FCHSD2: variants seen among roughly 807,000 people sequenced by gnomAD.
FCHSD2 encodes the protein FCH and double SH3 domains 2.
Under a neutral mutation model 108.1 loss-of-function variants are expected in FCHSD2, and 38 were observed. The observed-to-expected ratio is 0.35, with a 90% CI of 0.27 to 0.46. The LOEUF (loss-of-function observed/expected upper bound fraction) is 0.46. Among genes scored for constraint, FCHSD2 ranks in the 20% least tolerant of loss-of-function variants. The probability of loss-of-function intolerance (pLI) is 1.00; values close to 1 mark genes in which losing one functional copy is unlikely to be tolerated. For synonymous variants in FCHSD2, 279 were observed against 314.7 expected (o/e 0.89, Z 1.20); for missense variants, 751 against 897.8 (o/e 0.84, Z 2.09).
At chr11:73,049,570 A>T (rs1471786917) in intron 3 of FCHSD2, among the ~76,000 whole-genome samples, 1 of 150,178 alleles carries the variant, frequency 6.7e-6, no homozygotes, top group Non-Finnish European at 1.5e-5. Context: ...GCATTGGGAG[A>T]TATACCTAAT....
intron 8 of FCHSD2, chr11:72,940,565 TGAGAGTCA>T (rs1856395122): frequency 1.4e-5 from 16 of 1,173,828 alleles, no homozygotes; most frequent in Non-Finnish European, 1.7e-5. Context: ...CGCTTTCTTC[TGAGAGTCA>T]GCTGCTGGCA....
intron 8 of FCHSD2, among the ~76,000 whole-genome samples, chr11:72,974,183 G>A (rs180775596): frequency 2.4e-4 from 37 of 152,296 alleles, no homozygotes; most frequent in African/African-American, 8.2e-4. Context: ...CATGGTTCTC[G>A]GGACTGGGAA....
intron 3 of FCHSD2, among the ~76,000 whole-genome samples, chr11:73,074,962 C>A (rs1008396803): frequency 5.3e-5 from 8 of 152,002 alleles, no homozygotes; most frequent in African/African-American, 1.9e-4. Flanking sequence ...GAAAGAAAGA[C>A]CATAAATCAA....
chr11:72,909,273 G>C (rs1565317124), intron 9 of FCHSD2, among the ~76,000 whole-genome samples: 3 of 152,286 alleles, frequency 2.0e-5, no homozygotes, highest in African/African-American at 7.2e-5. Flanking sequence ...TTGACCTCGA[G>C]TGATCTGCCC....
intron 8 of FCHSD2, among the ~76,000 whole-genome samples, chr11:72,933,552 T>C (rs1311280016): frequency 3.9e-5 from 6 of 152,176 alleles, no homozygotes; most frequent in African/African-American, 7.2e-5. Flanking sequence ...TCAAAAGACT[T>C]CTTACTAAAG....
At chr11:73,035,320 C>A (rs893800753) in intron 3 of FCHSD2, among the ~76,000 whole-genome samples, 1 of 152,034 alleles carries the variant, frequency 6.6e-6, no homozygotes, top group Non-Finnish European at 1.5e-5. Context: ...ACTACAGGCA[C>A]GCACCACTAC....
At chr11:73,032,836 G>A (rs1483498189) in intron 3 of FCHSD2, among the ~76,000 whole-genome samples, 1 of 152,132 alleles carries the variant, frequency 6.6e-6, no homozygotes, top group Non-Finnish European at 1.5e-5. Flanking sequence ...ATGGCTTAAA[G>A]GTGAGACTGA....
rs115584766 is a variant in FCHSD2, at chr11:72,982,504, G to C, written c.705+1584C>G. The stretch of plus-strand genomic sequence containing the variant: ...AAATGTTTGGGTTTTGGGAAAACAG[G>C]AAAGAATGACAGATACAATCCAAAG... On this transcript the variant is annotated intron_variant, in intron 8 of 19. Coordinates refer to ENST00000409418, the MANE Select transcript of FCHSD2 (RefSeq NM_014824.3). 9.6e-3 allele frequency among the ~76,000 whole-genome samples: 1,466 copies of C among 152,302 alleles called. 26 individuals are homozygous for C. Among genetic ancestry groups the C allele is most frequent in the African/African-American group, 0.033 (1,377 of 41,550 alleles).
At chr11:73,130,190 T>G (rs1277237258) in intron 2 of FCHSD2, among the ~76,000 whole-genome samples, 1 of 152,100 alleles carries the variant, frequency 6.6e-6, no homozygotes, top group African/African-American at 2.4e-5. Context: ...CTCTTATATT[T>G]ATATACCTGG....
chr11:72,999,469 G>A (rs1197088834), intron 5 of FCHSD2, among the ~76,000 whole-genome samples: 3 of 151,848 alleles, frequency 2.0e-5, no homozygotes, highest in East Asian at 1.9e-4. Flanking sequence ...ACAGGTGCAC[G>A]CCACCACACC....
chr11:72,894,214 T>C (rs1855374028), intron 10 of FCHSD2, among the ~76,000 whole-genome samples: 1 of 152,208 alleles, frequency 6.6e-6, no homozygotes, highest in African/African-American at 2.4e-5. Context: ...TTCAGGGAAT[T>C]TGTACTACTT....
intron 2 of FCHSD2, among the ~76,000 whole-genome samples, chr11:73,111,714 G>A (rs1403757980): frequency 6.6e-6 from 1 of 151,494 alleles, no homozygotes; most frequent in East Asian, 1.9e-4. Flanking sequence ...GATTTTCTCT[G>A]GTGGGGTGTT....
intron 2 of FCHSD2, among the ~76,000 whole-genome samples, chr11:73,137,131 T>C (rs1286660722): frequency 6.6e-6 from 1 of 152,142 alleles, no homozygotes; most frequent in Non-Finnish European, 1.5e-5. Flanking sequence ...ACCTCCTTCC[T>C]CAGGCAACTG....
chr11:73,124,208 A>T (rs1860800644), intron 2 of FCHSD2, among the ~76,000 whole-genome samples: 1 of 152,178 alleles, frequency 6.6e-6, no homozygotes, highest in Admixed American at 6.5e-5. Context: ...GGAATTGAAC[A>T]ATGAGAACAC....
intron 12 of FCHSD2, among the ~76,000 whole-genome samples, chr11:72,868,481 C>T (rs1037273773): frequency 6.6e-6 from 1 of 151,964 alleles, no homozygotes; most frequent in African/African-American, 2.4e-5. Context: ...TTTGCACCAC[C>T]CTAATAACAA....
chr11:72,859,013 G>A (rs1861501900), intron 13 of FCHSD2, among the ~76,000 whole-genome samples: 1 of 152,152 alleles, frequency 6.6e-6, no homozygotes, highest in African/African-American at 2.4e-5. Flanking sequence ...TTATGACATA[G>A]GGAGAAGAAA....
At chr11:72,929,172 G>A (rs1164469646) in intron 8 of FCHSD2, among the ~76,000 whole-genome samples, 5 of 152,184 alleles carry the variant, frequency 3.3e-5, no homozygotes, top group Admixed American at 2.0e-4. Flanking sequence ...GAATAATGCC[G>A]CTATAAACAT....
chr11:73,059,959 T>TTTA (rs1591521729), intron 3 of FCHSD2, among the ~76,000 whole-genome samples: 1 of 152,236 alleles, frequency 6.6e-6, no homozygotes, highest in East Asian at 1.9e-4. Context: ...TACATGGTCA[T>TTTA]CAGTACATTC....
At chr11:73,084,312 C>G (rs375550096) in intron 2 of FCHSD2, among the ~76,000 whole-genome samples, 16 of 152,198 alleles carry the variant, frequency 1.1e-4, no homozygotes, top group African/African-American at 3.6e-4. Context: ...TACAAGGCCA[C>G]TACAAATTGT....
Sources: gnomAD v4.1 joint callset for allele counts (sites outside exome capture counted in the v4.1 genomes callset) on GRCh38, gnomAD v4.1.1 for gene constraint, MANE v1.5 for transcripts, NCBI Gene and HGNC (gene_info 2026-07-23, HGNC 2026-07-21) for gene names.